The following IREB2 variants were observed in gnomAD, a reference collection of about 807,000 sequenced individuals.
IREB2 encodes the protein iron-responsive element-binding protein 2.
A neutral mutation model predicts 118.8 loss-of-function variants in IREB2; 39 were observed. That is an observed-to-expected ratio of 0.33 (90% CI 0.25 to 0.43). The LOEUF is 0.43. Ranked by LOEUF, IREB2 falls within the 20% of genes least tolerant of loss-of-function variation. The pLI is 1.00. For synonymous variants in IREB2, 372 were observed against 392.2 expected (o/e 0.95, Z 0.61); for missense variants, 900 against 1,147.3 (o/e 0.78, Z 3.11).
intron 8 of IREB2, 29 bp from the exon 9 acceptor site, chr15:78,476,159 G>C: frequency 6.7e-7 from 1 of 1,493,870 alleles, no homozygotes. Context: ...TTGCAATTTT[G>C]TATGTGTTTC....
chr15:78,487,532 G>A lies in IREB2; in HGVS notation c.1710-201G>A, dbSNP rs1052138996. 2.0e-5 allele frequency among the ~76,000 whole-genome samples: 3 copies of A among 152,338 alleles called. No homozygotes were observed. The East Asian group carries it at 5.8e-4, about 29-fold the overall frequency. On this transcript the variant is annotated intron_variant, in intron 13 of 21. Coordinates refer to ENST00000258886, the MANE Select transcript of IREB2 (RefSeq NM_004136.4). The stretch of plus-strand genomic sequence containing the variant: ...GCCCAGGAGGTTAAGGCTGCAGTGA[G>A]CTGGTTCAAATAGCATGCCTGAGAG...
chr15:78,458,916 A>G (rs1845152948), intron 2 of IREB2, among the ~76,000 whole-genome samples: 2 of 151,852 alleles, frequency 1.3e-5, no homozygotes, highest in Admixed American at 6.6e-5. Context: ...CTCCCATCTC[A>G]GCCTCCCAAG....
intron 8 of IREB2, chr15:78,474,070 C>G (rs1408903428): frequency 6.6e-6 from 1 of 152,196 alleles, no homozygotes; most frequent in Non-Finnish European, 1.5e-5. Flanking sequence ...AATACATACA[C>G]TGAGCTTGTT....
intron 8 of IREB2, chr15:78,475,392 G>A (rs935823213): frequency 2.7e-4 from 41 of 152,150 alleles, no homozygotes; most frequent in African/African-American, 9.4e-4. Context: ...AGTGGGATTT[G>A]CCTGTGATTA....
intron 8 of IREB2, chr15:78,475,045 G>A (rs2051444063): frequency 8.9e-6 from 1 of 112,306 alleles, no homozygotes; most frequent in Non-Finnish European, 1.6e-5. Flanking sequence ...CTGGGCGACA[G>A]AGCGAGACTC....
intron 21 of IREB2, 52 bp from the exon 22 acceptor site, chr15:78,497,981 T>G: frequency 1.0e-6 from 1 of 974,972 alleles, no homozygotes; most frequent in Non-Finnish European, 1.7e-6. Flanking sequence ...AACCATCAAG[T>G]AGCACCTGGA....
At chr15:78,441,817 G>A (rs2050848736) in intron 2 of IREB2, among the ~76,000 whole-genome samples, 1 of 152,130 alleles carries the variant, frequency 6.6e-6, no homozygotes, top group Admixed American at 6.5e-5. Context: ...TGTAATAATA[G>A]AATACCTGTG....
intron 2 of IREB2, among the ~76,000 whole-genome samples, chr15:78,458,325 A>G (rs775138952): frequency 1.8e-4 from 27 of 152,326 alleles, no homozygotes; most frequent in East Asian, 5.8e-4. Flanking sequence ...AGGTTCATCA[A>G]TTGTAATAAA....
At position 78,483,392 on chromosome 15, in the gene IREB2, G is replaced by C. The variant is rs1360805462; in HGVS notation, c.1371G>C (p.Val457=). Reference sequence around the variant, plus strand: ...AAAGACCTCAGGATAGAGTTGCTGTGACAGATATGAAAAGCGATTTCCAGG... The same window carrying C: ...AAAGACCTCAGGATAGAGTTGCTGTCACAGATATGAAAAGCGATTTCCAGG... ...GPKRPQDRVA[V]TDMKSDFQAC... is the part of the protein sequence containing the mutation. The change falls in exon 11 of 22, where the codon GTG becomes GTC. Residue 457 remains valine (V), a synonymous_variant. Transcript: ENST00000258886. The C allele has an allele frequency of 1.2e-6, 2 of 1,607,756 alleles. No individual in the cohort carries two copies.
Position 78,491,106 on chromosome 15 carries a change from G to C in IREB2, c.2324+345G>C, listed in dbSNP as rs554875376. On this transcript the variant is annotated intron_variant, in intron 18 of 21. Transcript: ENST00000258886. ...CCTACCAAATGAAGCCTGCTCATTT[G>C]GTTAAAACCAGCTTCCCATTATTGG... Among the ~76,000 whole-genome samples the C allele has an allele frequency of 6.6e-5, 10 of 152,166 alleles. 1 individual carries two copies. In the South Asian group the frequency reaches 2.1e-3, roughly 32 times the overall value.
intron 2 of IREB2, among the ~76,000 whole-genome samples, chr15:78,459,911 A>G (rs191943444): frequency 1.3e-5 from 2 of 152,088 alleles, no homozygotes; most frequent in Admixed American, 1.3e-4. Flanking sequence ...TTGGGGTTTC[A>G]TTTTACTTTC....
At chr15:78,452,114 G>C (rs1039261075) in intron 2 of IREB2, among the ~76,000 whole-genome samples, 3 of 152,186 alleles carry the variant, frequency 2.0e-5, no homozygotes, top group African/African-American at 7.2e-5. Flanking sequence ...AGTGAGAGAT[G>C]ATGTACTGGT....
intron 20 of IREB2, among the ~76,000 whole-genome samples, chr15:78,495,111 T>C (rs1017197165): frequency 2.6e-5 from 4 of 152,210 alleles, no homozygotes; most frequent in African/African-American, 9.6e-5. Flanking sequence ...TGCCATTTCA[T>C]ACTCACAGAT....
intron 16 of IREB2, among the ~76,000 whole-genome samples, chr15:78,489,562 G>T: frequency 6.6e-6 from 1 of 152,022 alleles, no homozygotes; most frequent in Non-Finnish European, 1.5e-5. Flanking sequence ...TGTCACCCAG[G>T]CTGGAGTGCA....
intron 2 of IREB2, among the ~76,000 whole-genome samples, chr15:78,444,909 A>G (rs1009653675): frequency 6.6e-6 from 1 of 152,198 alleles, no homozygotes; most frequent in Non-Finnish European, 1.5e-5. Flanking sequence ...TAGCTGCACA[A>G]TATTGCCTGT....
chr15:78,488,834 A>G (rs939424799), intron 16 of IREB2, 63 bp downstream of exon 16: 23 of 915,184 alleles, frequency 2.5e-5, no homozygotes, highest in South Asian at 4.0e-5. Flanking sequence ...TATTTCATAT[A>G]TCTTCTGAAT....
chr15:78,442,356 C>T (rs915073981), intron 2 of IREB2, among the ~76,000 whole-genome samples: 2 of 152,068 alleles, frequency 1.3e-5, no homozygotes, highest in African/African-American at 4.8e-5. Flanking sequence ...ACAAAAAATC[C>T]TTATTGCATT....
chr15:78,476,259 A>G lies in IREB2; in HGVS notation c.1095A>G (p.Ile365Met). Residue 365 changes from isoleucine to methionine, a missense_variant, in exon 9 of 22, where the codon ATA becomes ATG. Ile to Met is a conservative substitution (Grantham distance 10, BLOSUM62 1). Coordinates refer to ENST00000258886, the MANE Select transcript of IREB2 (RefSeq NM_004136.4). ...FFGSGVSQLS[I>M]VDRTTIANMC... ...GAAGTGGAGTTTCACAATTATCTAT[A>G]GTTGATCGAACTACAATAGCAAACA... 6.2e-7 allele frequency: 1 copy of G among 1,609,800 alleles called. No homozygotes were observed. Among genetic ancestry groups the G allele is most frequent in the Non-Finnish European group, 8.5e-7 (1 of 1,176,806 alleles).
chr15:78,481,143 C>T (rs1236568427), intron 10 of IREB2, among the ~76,000 whole-genome samples: 4 of 152,092 alleles, frequency 2.6e-5, no homozygotes, highest in African/African-American at 9.7e-5. Context: ...AGGCCCTGTC[C>T]CTAGAGAAAG....
Sources: gnomAD v4.1 joint callset for allele counts (sites outside exome capture counted in the v4.1 genomes callset) on GRCh38, gnomAD v4.1.1 for gene constraint, MANE v1.5 for transcripts, NCBI Gene and HGNC (gene_info 2026-07-23, HGNC 2026-07-21) for gene names.